The following GUSB variants were observed in gnomAD, a reference collection of about 807,000 sequenced individuals.
GUSB encodes beta-glucuronidase.
In GUSB, 51 loss-of-function variants were observed where a neutral mutation model predicts 74.6. That is an observed-to-expected ratio of 0.68 (90% CI 0.55 to 0.86). GUSB has a LOEUF of 0.86. GUSB is among the 40% of genes least tolerant of loss of function. GUSB has a pLI of 0.00. For missense variants in GUSB, 736 were observed against 853.7 expected (o/e 0.86, Z 1.72); for synonymous variants, 360 against 348.3 (o/e 1.03, Z -0.37).
At chr7:65,976,251 T>A in intron 4 of GUSB, 49 bp from the exon 5 acceptor site, 1 of 1,389,894 alleles carries the variant, frequency 7.2e-7, no homozygotes, top group Non-Finnish European at 1.0e-6. Flanking sequence ...ACGACCTGAG[T>A]CACACAAACA....
At position 65,960,941 on chromosome 7, in the gene GUSB, A is replaced by G. The variant is rs1790444883; in HGVS notation, c.1912T>C (p.Ser638Pro). The G allele has an allele frequency of 6.2e-7, 1 of 1,613,928 alleles. No individual in the cohort carries two copies. Reference protein sequence around the residue: ...KIANETRYPHSVAKSQCLENS... With the variant: ...KIANETRYPHPVAKSQCLENS... ...TCCAAACATTGTGACTTGGCTACTG[A>G]GTGGGGATACCTGGTTTCATTGGCA... Residue 638 changes from serine (S) to proline (P), a missense_variant, in exon 12 of 12, where the codon TCA (serine) becomes CCA (proline). By Grantham distance (74) the Ser-to-Pro change is moderately conservative. Coordinates refer to ENST00000304895, the MANE Select transcript of GUSB (RefSeq NM_000181.4).
intron 8 of GUSB, among the ~76,000 whole-genome samples, chr7:65,972,403 A>T (rs1791274090): frequency 6.6e-6 from 1 of 152,148 alleles, no homozygotes; most frequent in Non-Finnish European, 1.5e-5. Context: ...ACCTCAGGTG[A>T]TCCACCCACC....
chr7:65,970,617 G>C (rs1345321356), intron 8 of GUSB, among the ~76,000 whole-genome samples: 2 of 152,140 alleles, frequency 1.3e-5, no homozygotes, highest in African/African-American at 4.8e-5. Context: ...TTAGCGGCCA[G>C]GCGCAGTGGC....
At chr7:65,963,667 T>C (rs1034165628) in intron 11 of GUSB, among the ~76,000 whole-genome samples, 17 of 152,170 alleles carry the variant, frequency 1.1e-4, no homozygotes, top group Non-Finnish European at 2.2e-4. Context: ...TGCCTCAGCC[T>C]CCCAAGCAGC....
chr7:65,966,492 G>A (rs551991890), intron 10 of GUSB, among the ~76,000 whole-genome samples: 206 of 151,856 alleles, frequency 1.4e-3, no homozygotes, highest in South Asian at 0.01. Context: ...AAATGAGATA[G>A]ATTAAAAAAA....
At chr7:65,979,576 G>A in intron 3 of GUSB, 35 bp from the exon 4 acceptor site, 1 of 1,613,414 alleles carries the variant, frequency 6.2e-7, no homozygotes, top group Non-Finnish European at 8.5e-7. Context: ...CTGGGCCCTT[G>A]CTCTGGGTCC....
chr7:65,966,170 CAAAA>C (rs746794550), intron 10 of GUSB, among the ~76,000 whole-genome samples: 6 of 133,326 alleles, frequency 4.5e-5, no homozygotes, highest in Middle Eastern at 3.4e-3. Flanking sequence ...AACTCTGTGT[CAAAA>C]AAAAAAAAAG....
At chr7:65,980,103 G>T in intron 2 of GUSB, 121 bp downstream of exon 2, 1 of 1,074,290 alleles carries the variant, frequency 9.3e-7, no homozygotes. Context: ...CCAGGGCAGG[G>T]CAGGGCAGGA....
intron 11 of GUSB, 59 bp from the exon 12 acceptor site, chr7:65,961,122 G>A: frequency 6.7e-7 from 1 of 1,502,032 alleles, no homozygotes; most frequent in Non-Finnish European, 9.3e-7. Context: ...GGTCAAGTTA[G>A]AACCAGTCTG....
Position 65,974,457 on chromosome 7 carries a change from G to A in GUSB, c.1245-16C>T. On this transcript the variant is annotated splice_polypyrimidine_tract_variant and intron_variant, in intron 7 of 11. Coordinates refer to ENST00000304895, the MANE Select transcript of GUSB (RefSeq NM_000181.4). ...GAAGAACTGCCTGCGGGCCAGGAGG[G>A]AAGGGACAGAGGGTCACGGTGACGC... The A allele has an allele frequency of 6.2e-7, 1 of 1,614,168 alleles. No homozygotes were observed. Among genetic ancestry groups the A allele is most frequent in the Non-Finnish European group, 8.5e-7 (1 of 1,180,042 alleles).
At chr7:65,975,201 C>CA in intron 5 of GUSB, 130 bp from the exon 6 acceptor site, 1 of 798,278 alleles carries the variant, frequency 1.3e-6, no homozygotes, top group South Asian at 1.4e-5. Flanking sequence ...ATGCAGCAAT[C>CA]AGAGGTTCTG....
intron 5 of GUSB, 85 bp from the exon 6 acceptor site, chr7:65,975,156 C>G: frequency 8.3e-7 from 1 of 1,208,288 alleles, no homozygotes; most frequent in Non-Finnish European, 1.2e-6. Context: ...GCCCCTCGTG[C>G]ACCCCAGCAG....
rs772672861 is a variant in GUSB, at chr7:65,979,441, T to C, written c.682A>G (p.Ile228Val). 6.2e-6 allele frequency: 10 copies of C among 1,613,818 alleles called. No homozygotes were observed. Among genetic ancestry groups the C allele is most frequent in the African/African-American group, 2.7e-5 (2 of 74,910 alleles). The change falls in exon 4 of 12, where the codon ATC (isoleucine) becomes GTC (valine). Residue 228 changes from isoleucine (I) to valine (V), a missense_variant. Ile to Val is a conservative substitution (Grantham distance 29). Transcript: ENST00000304895. ...CTGGTGGTGACGGTGATGTCATCGA[T>C]GTAGGTGGTGGGTGTCGTGTACAGA... ...VLLYTTPTTYIDDITVTTSVE... is the reference protein window; with the variant it reads ...VLLYTTPTTYVDDITVTTSVE...
intron 10 of GUSB, among the ~76,000 whole-genome samples, chr7:65,966,055 A>C (rs1445304360): frequency 2.0e-5 from 3 of 152,182 alleles, no homozygotes; most frequent in Non-Finnish European, 4.4e-5. Context: ...CTGTAATCCC[A>C]GCTACTCGGG....
intron 10 of GUSB, 68 bp from the exon 11 acceptor site, chr7:65,964,526 A>C: frequency 6.7e-7 from 1 of 1,498,544 alleles, no homozygotes; most frequent in Non-Finnish European, 9.2e-7. Flanking sequence ...GATAAAAATA[A>C]AGATCCACTT....
rs114407437 is a variant in GUSB, at chr7:65,979,570, G to C, written c.582-29C>G. The stretch of plus-strand genomic sequence containing the variant: ...GGATGGGAGGACTGTGGTTTGCTGG[G>C]CCCTTGCTCTGGGTCCCCTGACCTC... On this transcript the variant is annotated intron_variant, in intron 3 of 11. Coordinates refer to ENST00000304895, the MANE Select transcript of GUSB (RefSeq NM_000181.4). The C allele has an allele frequency of 4.1e-4, 655 of 1,613,638 alleles. 4 individuals are homozygous for C. In the African/African-American group the frequency reaches 7.5e-3, roughly 19 times the overall value.
rs537957979 is a variant in GUSB at position 65,979,445 on chromosome 7, G to A, written c.678C>T (p.Thr226=). 7.1e-4 allele frequency: 1,138 copies of A among 1,613,974 alleles called. 14 individuals carry two copies. The South Asian group carries it at 0.01, about 15-fold the overall frequency. Residue 226 remains threonine (T), a synonymous_variant, in exon 4 of 12, where the codon ACC becomes ACT. Coordinates refer to ENST00000304895, the MANE Select transcript of GUSB (RefSeq NM_000181.4). The part of the protein sequence containing the change: ...RSVLLYTTPT[T]YIDDITVTTS... ...TGGTGACGGTGATGTCATCGATGTA[G>A]GTGGTGGGTGTCGTGTACAGAAGTA...
chr7:65,980,185 G>GGGGGGGGGGGCC, intron 2 of GUSB, 39 bp downstream of exon 2: 1 of 725,272 alleles, frequency 1.4e-6, no homozygotes, highest in Non-Finnish European at 2.4e-6. Flanking sequence ...CAGCAGCCGT[G>GGGGGGGGGGGCC]CCCCCCCACC....
At chr7:65,978,827 G>C (rs930265911) in intron 4 of GUSB, among the ~76,000 whole-genome samples, 5 of 151,582 alleles carry the variant, frequency 3.3e-5, no homozygotes. Context: ...GCCCAGACCA[G>C]AGTGCAGTGG....
Sources: gnomAD v4.1 joint callset for allele counts (sites outside exome capture counted in the v4.1 genomes callset) on GRCh38, gnomAD v4.1.1 for gene constraint, MANE v1.5 for transcripts, NCBI Gene and HGNC (gene_info 2026-07-23, HGNC 2026-07-21) for gene names.